DSCAM: variants seen among roughly 807,000 people sequenced by gnomAD.
DSCAM encodes DS cell adhesion molecule, also known as cell adhesion molecule DSCAM.
Under a neutral mutation model 217.7 loss-of-function variants are expected in DSCAM, and 47 were observed. The observed-to-expected ratio is 0.22, with a 90% confidence interval of 0.17 to 0.28. DSCAM has a LOEUF of 0.28. DSCAM is among the 10% of genes least tolerant of loss of function. The probability of loss-of-function intolerance (pLI) is 1.00; values close to 1 mark genes in which losing one functional copy is unlikely to be tolerated. For missense variants in DSCAM, 2,080 were observed against 2,618.3 expected (o/e 0.79, Z 4.49); for synonymous variants, 1,056 against 1,015.3 (o/e 1.04, Z -0.76).
At chr21:40,597,106 A>G (rs1007986794) in intron 3 of DSCAM, among the ~76,000 whole-genome samples, 26 of 152,332 alleles carry the variant, frequency 1.7e-4, no homozygotes, top group African/African-American at 6.0e-4. Context: ...ACATTTTCAG[A>G]AACCCAAATC....
chr21:40,736,065 A>G (rs960138640), intron 1 of DSCAM, among the ~76,000 whole-genome samples: 17 of 152,172 alleles, frequency 1.1e-4, no homozygotes, highest in African/African-American at 3.4e-4. Context: ...ATTTGCTAGA[A>G]CTGCTCACAA....
At chr21:40,066,540 T>G (rs2089209914) in intron 27 of DSCAM, among the ~76,000 whole-genome samples, 1 of 152,248 alleles carries the variant, frequency 6.6e-6, no homozygotes, top group South Asian at 2.1e-4. Context: ...AAGACGCTGG[T>G]AATTCTTGAT....
At position 40,511,990 on chromosome 21, in the gene DSCAM, C is replaced by CAAAA. The variant is rs780829574; in HGVS notation, c.509-142749_509-142746dup. Among the ~76,000 whole-genome samples the CAAAA allele has an allele frequency of 1.1e-4, 3 of 26,792 alleles. 1 individual carries two copies. The highest frequency in any genetic ancestry group is 1.8e-4 in the African/African-American group (1 of 5,438). 17.6% of individuals were successfully genotyped at this position (26,792 alleles called of 152,430 possible). ...TGGGCGACAGAGTGAGACTCTGTCT[C>CAAAA]AAAAAAAAAAAAAAAAAAAAGTATT... On this transcript the variant is annotated intron_variant, in intron 3 of 32. Coordinates refer to ENST00000400454, the MANE Select transcript of DSCAM (RefSeq NM_001389.5).
intron 2 of DSCAM, among the ~76,000 whole-genome samples, chr21:40,704,833 C>T (rs776366468): frequency 3.9e-5 from 6 of 152,124 alleles, no homozygotes; most frequent in African/African-American, 7.2e-5. Context: ...GGTAATTCAA[C>T]TTCATATTCA....
intron 3 of DSCAM, among the ~76,000 whole-genome samples, chr21:40,570,342 G>C (rs2076796741): frequency 6.6e-6 from 1 of 152,176 alleles, no homozygotes; most frequent in Non-Finnish European, 1.5e-5. Flanking sequence ...TCCTAACTCT[G>C]CAACAGAGCC....
chr21:40,311,678 A>G (rs1312391687), intron 9 of DSCAM, among the ~76,000 whole-genome samples: 4 of 152,218 alleles, frequency 2.6e-5, no homozygotes, highest in Admixed American at 1.3e-4. Flanking sequence ...ACTTTGATAC[A>G]TAGCTTTGAG....
At chr21:40,146,659 A>G (rs1164596754) in intron 16 of DSCAM, among the ~76,000 whole-genome samples, 1 of 152,140 alleles carries the variant, frequency 6.6e-6, no homozygotes, top group Non-Finnish European at 1.5e-5. Flanking sequence ...CTAATTTAGT[A>G]TATTCATGGT....
intron 8 of DSCAM, among the ~76,000 whole-genome samples, chr21:40,327,206 C>A (rs2074327231): frequency 6.6e-6 from 1 of 152,050 alleles, no homozygotes; most frequent in African/African-American, 2.4e-5. Flanking sequence ...TGTGTATTTG[C>A]AGATTAATTA....
At chr21:40,744,663 C>G (rs1048455639) in intron 1 of DSCAM, among the ~76,000 whole-genome samples, 1 of 152,072 alleles carries the variant, frequency 6.6e-6, no homozygotes, top group Non-Finnish European at 1.5e-5. Context: ...ACTAATAACA[C>G]CAGCAGAAGC....
At chr21:40,311,232 T>G (rs1328824750) in intron 9 of DSCAM, among the ~76,000 whole-genome samples, 1 of 152,230 alleles carries the variant, frequency 6.6e-6, no homozygotes, top group African/African-American at 2.4e-5. Flanking sequence ...TTAATATAAA[T>G]CTTTAACTTC....
intron 26 of DSCAM, 118 bp downstream of exon 26, chr21:40,078,569 G>C (rs989388057): frequency 7.4e-7 from 1 of 1,342,802 alleles, no homozygotes; most frequent in African/African-American, 1.5e-5. Flanking sequence ...AAAGCCTAAT[G>C]GGCTCCGTGG....
intron 3 of DSCAM, among the ~76,000 whole-genome samples, chr21:40,510,326 T>C (rs528481431): frequency 5.3e-5 from 8 of 152,348 alleles, no homozygotes; most frequent in African/African-American, 1.9e-4. Context: ...AGGAATTTTC[T>C]AGTGGCATTT....
chr21:40,709,181 A>G (rs1241844134), intron 1 of DSCAM, among the ~76,000 whole-genome samples: 1 of 152,156 alleles, frequency 6.6e-6, no homozygotes, highest in African/African-American at 2.4e-5. Flanking sequence ...TGGAGCATAG[A>G]GCCCAGCTCT....
chr21:40,518,972 G>A (rs2076337467), intron 3 of DSCAM, among the ~76,000 whole-genome samples: 1 of 152,002 alleles, frequency 6.6e-6, no homozygotes, highest in South Asian at 2.1e-4. Flanking sequence ...AATATTGTAG[G>A]TAATTGGAAC....
chr21:40,800,435 A>G (rs927725767), intron 1 of DSCAM, among the ~76,000 whole-genome samples: 8 of 152,160 alleles, frequency 5.3e-5, no homozygotes, highest in Non-Finnish European at 1.0e-4. Context: ...TTAGAAGGCA[A>G]GAAAACTAAG....
At chr21:40,259,276 C>CT (rs34049418) in intron 11 of DSCAM, among the ~76,000 whole-genome samples, 118 of 119,748 alleles carry the variant, frequency 9.9e-4, no homozygotes, top group East Asian at 3.4e-3. Flanking sequence ...TTAATGAACT[C>CT]TTTTTTTTTT....
At chr21:40,585,440 A>G (rs77637465) in intron 3 of DSCAM, among the ~76,000 whole-genome samples, 31,587 of 79,252 alleles carry the variant, frequency 0.4, 3,547 homozygotes, top group East Asian at 0.51. Flanking sequence ...AAAAAAAAAA[A>G]AAAGAAAAAT....
chr21:40,804,963 G>A (rs144076948), intron 1 of DSCAM, among the ~76,000 whole-genome samples: 8 of 152,124 alleles, frequency 5.3e-5, no homozygotes, highest in African/African-American at 1.9e-4. Context: ...CCCCATAATT[G>A]GTCTAATGCT....
At chr21:40,351,466 C>T (rs144095726) in intron 5 of DSCAM, among the ~76,000 whole-genome samples, 16 of 152,262 alleles carry the variant, frequency 1.1e-4, no homozygotes, top group Non-Finnish European at 1.8e-4. Context: ...TCAGGAAGGA[C>T]GCCAAGGCTG....
Sources: gnomAD v4.1 joint callset for allele counts (sites outside exome capture counted in the v4.1 genomes callset) on GRCh38, gnomAD v4.1.1 for gene constraint, MANE v1.5 for transcripts, NCBI Gene and HGNC (gene_info 2026-07-23, HGNC 2026-07-21) for gene names.